The following RPL3 variants were observed in gnomAD, a reference collection of about 807,000 sequenced individuals.
The protein encoded by RPL3 is large ribosomal subunit protein uL3.
In RPL3, 3 loss-of-function variants were observed where a neutral mutation model predicts 46.0. That is an observed-to-expected ratio of 0.07 (90% CI 0.03 to 0.17). The LOEUF (loss-of-function observed/expected upper bound fraction) is 0.17. Ranked by LOEUF, RPL3 falls within the 10% of genes least tolerant of loss-of-function variation. RPL3 has a pLI of 1.00. For missense variants in RPL3, 387 were observed against 532.7 expected, an observed-to-expected ratio of 0.73 and a Z score of 2.69; for synonymous variants, 224 against 190.8, an observed-to-expected ratio of 1.17 and a Z score of -1.43.
chr22:39,319,028 A>T (rs749231971), intron 1 of RPL3: 2 of 537,834 alleles, frequency 3.7e-6, no homozygotes, highest in Non-Finnish European at 7.6e-6. Context: ...TGATACACAC[A>T]GGCCAAAGAA....
chr22:39,315,562 G>T lies in RPL3; in HGVS notation c.502-7C>A. 1 of 1,613,894 alleles carries T rather than the reference G, an allele frequency of 6.2e-7. No individual in the cohort carries two copies. Among genetic ancestry groups the T allele is most frequent in the South Asian group, 1.1e-5 (1 of 91,084 alleles). On this transcript the variant is annotated splice_polypyrimidine_tract_variant and splice_region_variant and intron_variant, in intron 4 of 9. Coordinates refer to ENST00000216146, the MANE Select transcript of RPL3 (RefSeq NM_000967.4). ...GCAGAGGAAGCAGGCGCATCTAGGA[G>T]AAGGTAGACACAGCTCAGCTCCAGC... is the stretch of plus-strand genomic sequence containing the variant.
intron 7 of RPL3, 57 bp downstream of exon 7, chr22:39,314,050 A>G: frequency 1.4e-6 from 2 of 1,456,598 alleles, no homozygotes; most frequent in Non-Finnish European, 1.9e-6. Flanking sequence ...GAAGCAGCCT[A>G]TCCCCAAAAG....
intron 4 of RPL3, among the ~76,000 whole-genome samples, chr22:39,316,216 G>T (rs1245406530): frequency 6.9e-6 from 1 of 145,036 alleles, no homozygotes. Context: ...TCTAGCCTGG[G>T]CAACAAGAAC....
rs548009646 is a variant in RPL3 at position 39,315,634 on chromosome 22, T to G, written c.502-79A>C. 6.5e-6 allele frequency: 10 copies of G among 1,538,370 alleles called. No individual in the cohort carries two copies. The East Asian group carries it at 2.3e-4, about 35-fold the overall frequency. ...AGAGGAACTGCAGCTCCATGCGGCC[T>G]GATTGATGTCAAGCACACGGCAAAA... On this transcript the variant is annotated intron_variant, in intron 4 of 9. Coordinates refer to ENST00000216146, the MANE Select transcript of RPL3 (RefSeq NM_000967.4).
At chr22:39,315,257 C>T (rs1184316863) in intron 5 of RPL3, 112 bp downstream of exon 5, 25 of 1,411,774 alleles carry the variant, frequency 1.8e-5, no homozygotes, top group Non-Finnish European at 2.4e-5. Flanking sequence ...CTACACTGTC[C>T]GATTCGGGCG....
intron 2 of RPL3, 164 bp from the exon 3 acceptor site, chr22:39,317,793 GCA>G: frequency 4.3e-6 from 3 of 693,262 alleles, no homozygotes; most frequent in Non-Finnish European, 7.2e-6. Flanking sequence ...CTCATTCAAA[GCA>G]CATTTATGTT....
chr22:39,318,325 C>T, intron 2 of RPL3, 75 bp downstream of exon 2: 5 of 1,518,054 alleles, frequency 3.3e-6, no homozygotes, highest in Non-Finnish European at 3.6e-6. Context: ...CCTCTGCTAA[C>T]AGCTTGACTC....
intron 1 of RPL3, among the ~76,000 whole-genome samples, chr22:39,318,863 T>C (rs1406188868): frequency 1.3e-5 from 2 of 152,072 alleles, no homozygotes; most frequent in East Asian, 1.9e-4. Flanking sequence ...AAAAATACAC[T>C]AAGTAGTGGC....
chr22:39,313,864 C>T (rs1159006617), intron 7 of RPL3, 135 bp from the exon 8 acceptor site: 1 of 939,590 alleles, frequency 1.1e-6, no homozygotes, highest in Non-Finnish European at 1.7e-6. Context: ...CGCAGTCTGT[C>T]TCGGGCGCTG....
At chr22:39,319,037 A>G (rs1202948092) in intron 1 of RPL3, 1 of 537,574 alleles carries the variant, frequency 1.9e-6, no homozygotes, top group Non-Finnish European at 3.8e-6. Flanking sequence ...CAGGCCAAAG[A>G]ACTCCGCAGA....
chr22:39,314,237 G>T, intron 6 of RPL3, 29 bp from the exon 7 acceptor site: 1 of 1,591,110 alleles, frequency 6.3e-7, no homozygotes, highest in South Asian at 1.1e-5. Context: ...TGTAAGGCTG[G>T]GGCATTAGGG....
chr22:39,313,514 T>C, intron 8 of RPL3, 120 bp downstream of exon 8: 1 of 1,246,888 alleles, frequency 8.0e-7, no homozygotes, highest in Non-Finnish European at 1.1e-6. Context: ...AAAGCCAGTG[T>C]GAAAGGACTG....
At chr22:39,313,473 C>T (rs2146509732) in intron 8 of RPL3, 161 bp downstream of exon 8, 1 of 1,308,432 alleles carries the variant, frequency 7.6e-7, no homozygotes, top group South Asian at 1.3e-5. Flanking sequence ...CCAGCAAGGC[C>T]AGACTGGGAA....
intron 2 of RPL3, chr22:39,318,052 G>A (rs1922813699): frequency 2.8e-6 from 1 of 351,536 alleles, no homozygotes; most frequent in Non-Finnish European, 5.3e-6. Flanking sequence ...CATTATTCAA[G>A]CTTTCAGGTG....
intron 5 of RPL3, 40 bp downstream of exon 5, chr22:39,315,329 C>T (rs1428871475): frequency 6.2e-7 from 1 of 1,613,652 alleles, no homozygotes; most frequent in Non-Finnish European, 8.5e-7. Context: ...CCACTTCTCC[C>T]CCAGGTTTGC....
intron 5 of RPL3, 144 bp downstream of exon 5, chr22:39,315,221 CAGAA>C (rs747242078): frequency 8.5e-7 from 1 of 1,178,320 alleles, no homozygotes; most frequent in Non-Finnish European, 1.3e-6. Flanking sequence ...AGGCTGTTCT[CAGAA>C]GGAAGGCAGT....
intron 1 of RPL3, 101 bp downstream of exon 1, chr22:39,319,494 C>T: frequency 6.6e-7 from 1 of 1,515,340 alleles, no homozygotes. Flanking sequence ...GCCCCTAAAG[C>T]AAACCCCCGG....
chr22:39,317,398 G>T, intron 3 of RPL3, 63 bp downstream of exon 3: 1 of 1,553,296 alleles, frequency 6.4e-7, no homozygotes, highest in East Asian at 2.3e-5. Flanking sequence ...CCATGCACAC[G>T]CTGCTCCCTG....
In RPL3 at chr22:39,313,607, C is replaced by G. The variant is rs756718095; in HGVS notation, c.1047+27G>C. The G allele has an allele frequency of 2.5e-6, 4 of 1,605,626 alleles. No individual in the cohort carries two copies. In the African/African-American group the frequency reaches 4.0e-5, roughly 16 times the overall value. ...TGGATCCTCCCTCTACAAGAGCCCC[C>G]CCATGACAAGTCAGGACCTGCCTCA... On this transcript the variant is annotated intron_variant, in intron 8 of 9. Coordinates refer to ENST00000216146, the MANE Select transcript of RPL3 (RefSeq NM_000967.4).
Sources: allele counts gnomAD v4.1 joint callset (sites outside exome capture counted in the v4.1 genomes callset), GRCh38; gene constraint gnomAD v4.1.1; transcripts MANE v1.5; gene names NCBI Gene and HGNC (gene_info 2026-07-23, HGNC 2026-07-21).